AHDC1: variants seen among roughly 807,000 people sequenced by gnomAD.
AHDC1 encodes the protein transcription factor Gibbin.
In AHDC1, 7 loss-of-function variants were observed where a neutral mutation model predicts 87.9. The observed-to-expected ratio is 0.08, with a 90% confidence interval of 0.05 to 0.15. AHDC1 has a LOEUF of 0.15. Ranked by LOEUF, AHDC1 falls within the 10% of genes least tolerant of loss-of-function variation. The pLI is 1.00. For missense variants in AHDC1, 1,841 were observed against 2,253.2 expected, an observed-to-expected ratio of 0.82 and a Z score of 3.70; for synonymous variants, 1,051 against 1,006.8, an observed-to-expected ratio of 1.04 and a Z score of -0.83.
At chr1:27,602,026 A>G (rs1032420544) in intron 3 of AHDC1, among the ~76,000 whole-genome samples, 1 of 152,168 alleles carries the variant, frequency 6.6e-6, no homozygotes, top group African/African-American at 2.4e-5. Flanking sequence ...AGGCCCCCCA[A>G]GGGTCCCTCC....
intron 3 of AHDC1, among the ~76,000 whole-genome samples, chr1:27,571,528 G>A (rs1299716461): frequency 6.6e-6 from 1 of 152,058 alleles, no homozygotes; most frequent in African/African-American, 2.4e-5. Context: ...CCTCCCCCCA[G>A]GCTCTGGAAT....
At chr1:27,537,705 C>T (rs763883230) in intron 8 of AHDC1, among the ~76,000 whole-genome samples, 3 of 152,226 alleles carry the variant, frequency 2.0e-5, no homozygotes, top group Non-Finnish European at 4.4e-5. Context: ...AGCACACCAA[C>T]CACTGTTCTG....
rs752363855 is a variant in AHDC1 at position 27,549,975 on chromosome 1, C to G, written c.2141G>C (p.Gly714Ala). The G allele has an allele frequency of 8.7e-6, 14 of 1,603,796 alleles. No individual in the cohort carries two copies. Among genetic ancestry groups the G allele is most frequent in the Admixed American group, 8.5e-5 (5 of 59,090 alleles). ...GTGCCCCAACTCAGTAAGGCCCGGG[C>G]CCCCGACCCCAGCGGCTGCCACGGC... Reference protein sequence around the residue: ...VVAVAAAGVGGPGLTELGHPR... With the variant: ...VVAVAAAGVGAPGLTELGHPR... Residue 714 changes from glycine to alanine, a missense_variant, in exon 8 of 9, where the codon GGC becomes GCC. Physicochemically the swap from Gly to Ala is moderately conservative, Grantham distance 60. This residue lies in a region of AHDC1 where 236 missense variants were observed against 257.9 expected (regional missense o/e 0.92). Coordinates refer to ENST00000673934, the MANE Select transcript of AHDC1 (RefSeq NM_001371928.1).
Position 27,547,534 on chromosome 1 carries a change from G to C in AHDC1, c.4582C>G (p.Pro1528Ala). 1 of 1,611,232 alleles carries C rather than the reference G, an allele frequency of 6.2e-7. No homozygotes were observed. Among genetic ancestry groups the C allele is most frequent in the Non-Finnish European group, 8.5e-7 (1 of 1,178,896 alleles). ...PLEMARPPGP[P>A]RGPAAAAAGY... ...GCAGCGGCTGCAGCAGGGCCACGGG[G>C]TGGGCCAGGGGGCCGGGCCATTTCC... The change falls in exon 8 of 9, where the codon CCC (proline) becomes GCC (alanine). Residue 1528 changes from proline to alanine, a missense_variant. Physicochemically the swap from Pro to Ala is conservative, Grantham distance 27. Around this residue, in one of 13 missense-constraint regions of AHDC1, gnomAD observed 505 missense variants for 626.2 expected, o/e 0.81. Transcript: ENST00000673934. This position sits in a 1 kb window ranked among gnomAD's most constrained non-coding sequence, Gnocchi z 4.9.
chr1:27,547,322 G>A lies in AHDC1; in HGVS notation c.4794C>T (p.Phe1598=), dbSNP rs2019213405. ...PMAEPHPEDT[F]TVTSL ...GTTGGCACTACAGGGATGTGACGGT[G>A]AATGTGTCCTCGGGGTGAGGTTCCG... Residue 1598 remains phenylalanine, a synonymous_variant, in exon 8 of 9, where the codon TTC becomes TTT. Coordinates refer to ENST00000673934, the MANE Select transcript of AHDC1 (RefSeq NM_001371928.1). The surrounding 1 kb of genome is among the most constrained non-coding windows in gnomAD (Gnocchi z 4.9). 1 of 1,546,882 alleles carries A rather than the reference G, an allele frequency of 6.5e-7. No homozygotes were observed. The highest frequency in any genetic ancestry group is 2.3e-5 in the East Asian group (1 of 44,424).
Position 27,547,624 on chromosome 1 carries a change from C to T in AHDC1, c.4492G>A (p.Ala1498Thr), listed in dbSNP as rs201460329. The T allele has an allele frequency of 3.6e-5, 57 of 1,600,108 alleles. No homozygotes were observed. The Admixed American group carries it at 4.5e-4, about 13-fold the overall frequency. Residue 1498 changes from alanine (A) to threonine (T), a missense_variant, in exon 8 of 9, where the codon GCG (alanine) becomes ACG (threonine). Around this residue, in one of 13 missense-constraint regions of AHDC1, gnomAD observed 505 missense variants for 626.2 expected, o/e 0.81. Transcript: ENST00000673934. The surrounding 1 kb of genome is among the most constrained non-coding windows in gnomAD (Gnocchi z 4.9). ...LADFLGRTEA[A>T]CLSAPHLASP... is the part of the protein sequence containing the mutation. ...GCCAGGTGAGGGGCACTGAGGCACG[C>T]GGCCTCCGTCCTGCCCAGGAAGTCA... is the stretch of plus-strand genomic sequence containing the variant.
chr1:27,539,339 G>T (rs574271586), intron 8 of AHDC1, among the ~76,000 whole-genome samples: 1 of 151,832 alleles, frequency 6.6e-6, no homozygotes, highest in Non-Finnish European at 1.5e-5. Context: ...GTCTTACTAT[G>T]TTGCCCAGGC....
intron 8 of AHDC1, among the ~76,000 whole-genome samples, chr1:27,542,120 A>G (rs914486237): frequency 6.6e-6 from 1 of 152,270 alleles, no homozygotes; most frequent in African/African-American, 2.4e-5. Flanking sequence ...GCACTATGGC[A>G]GCAAAGGTTA....
At chr1:27,536,088 G>A (rs1382014487) in intron 8 of AHDC1, among the ~76,000 whole-genome samples, 1 of 152,128 alleles carries the variant, frequency 6.6e-6, no homozygotes, top group East Asian at 1.9e-4. Flanking sequence ...GGTTCCTTAG[G>A]AGCCCATCCG....
Position 27,595,018 on chromosome 1 carries a change from G to A in AHDC1, c.-629+8379C>T, listed in dbSNP as rs530481563. ...GGGAAGCGGTGGGGCCGGGCCATTA[G>A]GACTGCCTGTCGAGGAGGTGCCGGG... On this transcript the variant is annotated intron_variant, in intron 3 of 8. Coordinates refer to ENST00000673934, the MANE Select transcript of AHDC1 (RefSeq NM_001371928.1). The surrounding 1 kb of genome is among the most constrained non-coding windows in gnomAD (Gnocchi z 4.0). Among the ~76,000 whole-genome samples the A allele has an allele frequency of 3.3e-5, 5 of 152,162 alleles. No homozygotes were observed. The highest frequency in any genetic ancestry group is 1.2e-4 in the African/African-American group (5 of 41,462).
At chr1:27,597,831 G>A (rs2089418943) in intron 3 of AHDC1, among the ~76,000 whole-genome samples, 1 of 151,648 alleles carries the variant, frequency 6.6e-6, no homozygotes, top group South Asian at 2.1e-4. Context: ...CTGTCTCTCA[G>A]CCTCCCCATC....
intron 3 of AHDC1, among the ~76,000 whole-genome samples, chr1:27,599,975 C>A (rs2089486189): frequency 6.6e-6 from 1 of 152,016 alleles, no homozygotes; most frequent in South Asian, 2.1e-4. Flanking sequence ...AGAATCTGAT[C>A]TTGGGTGAGA....
intron 3 of AHDC1, among the ~76,000 whole-genome samples, chr1:27,576,005 G>A (rs988359366): frequency 6.6e-5 from 10 of 152,110 alleles, no homozygotes; most frequent in African/African-American, 2.4e-4. Context: ...GTCCGGACCT[G>A]CGCTCTCGGA....
chr1:27,603,143 AC>A (rs1156376060), intron 3 of AHDC1, among the ~76,000 whole-genome samples: 4 of 110,498 alleles, frequency 3.6e-5, no homozygotes, highest in Admixed American at 8.5e-5. Context: ...AAACCCGAGA[AC>A]CCCCCCTCCC....
intron 3 of AHDC1, chr1:27,568,375 A>C (rs2020411973): frequency 6.6e-6 from 1 of 152,304 alleles, no homozygotes; most frequent in African/African-American, 2.4e-5. Context: ...GGTGGGCTGG[A>C]AGGTGGAGCA....
In AHDC1 at chr1:27,551,436, G is replaced by A. The variant is rs752889229; in HGVS notation, c.680C>T (p.Pro227Leu). 1.2e-6 allele frequency: 2 copies of A among 1,612,842 alleles called. No homozygotes were observed. Among genetic ancestry groups the A allele is most frequent in the South Asian group, 1.1e-5 (1 of 91,078 alleles). Residue 227 changes from proline to leucine, a missense_variant, in exon 8 of 9, where the codon CCA becomes CTA. Coordinates refer to ENST00000673934, the MANE Select transcript of AHDC1 (RefSeq NM_001371928.1). ...GATAAATGLP[P>L]EPEPDSTDYS... ...ATCAGTGCTGTCTGGCTCAGGCTCT[G>A]GGGGCAGACCCGTGGCCGCAGCCGT... is the stretch of plus-strand genomic sequence containing the variant.
rs543302304 is a variant in AHDC1, at chr1:27,593,199, A to G, written c.-629+10198T>C. On this transcript the variant is annotated intron_variant, in intron 3 of 8. Coordinates refer to ENST00000673934, the MANE Select transcript of AHDC1 (RefSeq NM_001371928.1). This position sits in a 1 kb window ranked among gnomAD's most constrained non-coding sequence, Gnocchi z 4.9. ...GGCTGGGGCAGGGGCTGAGGTGGGG[A>G]AGGGGGAGCAGCTCCGTCCCTCCCC... Among the ~76,000 whole-genome samples, 226 of 151,846 alleles carry G rather than the reference A, an allele frequency of 1.5e-3. 2 individuals are homozygous for G. The highest frequency in any genetic ancestry group is 5.4e-3 in the African/African-American group (222 of 41,384).
At chr1:27,553,229 C>A (rs577058897) in intron 5 of AHDC1, 44 bp from the exon 6 acceptor site, 2 of 152,700 alleles carry the variant, frequency 1.3e-5, no homozygotes, top group Non-Finnish European at 2.9e-5. Context: ...GCACCTACTG[C>A]GCGCCAGGTA....
intron 8 of AHDC1, among the ~76,000 whole-genome samples, chr1:27,539,388 C>T (rs1453453006): frequency 5.9e-5 from 9 of 151,846 alleles, no homozygotes; most frequent in Non-Finnish European, 7.4e-5. Flanking sequence ...CCTCCCACCT[C>T]GGCACCCCAA....
Sources: allele counts gnomAD v4.1 joint callset (sites outside exome capture counted in the v4.1 genomes callset), GRCh38; gene constraint gnomAD v4.1.1; regional missense constraint gnomAD v4.1.1; non-coding constraint Gnocchi (gnomAD v3.1); transcripts MANE v1.5; gene names NCBI Gene and HGNC (gene_info 2026-07-23, HGNC 2026-07-21).